Variants in BSN observed in about 807,000 individuals in gnomAD.
The protein encoded by BSN is bassoon presynaptic cytomatrix protein.
In BSN, 57 loss-of-function variants were observed where a neutral mutation model predicts 264.8. The ratio of observed to expected loss-of-function variants is 0.22; its 90% confidence interval spans 0.17 to 0.27. BSN has a LOEUF of 0.27. Ranked by LOEUF, BSN falls within the 10% of genes least tolerant of loss-of-function variation. The pLI is 1.00. For missense variants in BSN, 4,615 were observed against 5,232.5 expected (o/e 0.88, Z 3.64); for synonymous variants, 2,059 against 2,137.3 (o/e 0.96, Z 1.01).
intron 1 of BSN, among the ~76,000 whole-genome samples, chr3:49,593,682 T>A (rs2051997322): frequency 6.6e-6 from 1 of 152,144 alleles, no homozygotes; most frequent in Non-Finnish European, 1.5e-5. Context: ...GCCATGTGTG[T>A]ATCCTCTTCA....
intron 3 of BSN, among the ~76,000 whole-genome samples, chr3:49,643,368 G>T (rs1168923288): frequency 6.6e-6 from 1 of 152,202 alleles, no homozygotes; most frequent in Non-Finnish European, 1.5e-5. Flanking sequence ...TGGGGGTAAT[G>T]GTGCCTACTG....
rs139087694 is a variant in BSN at position 49,579,559 on chromosome 3, C to T, written c.224+24733C>T. ...CTAAGATTACAGGCGCCCGTCACCA[C>T]GCCCAGCTGATTTTTTCTTTCTTTC... On this transcript the variant is annotated intron_variant, in intron 1 of 11. Coordinates refer to ENST00000296452, the MANE Select transcript of BSN (RefSeq NM_003458.4). Among the ~76,000 whole-genome samples, 199 of 151,796 alleles carry T rather than the reference C, an allele frequency of 1.3e-3. 6 individuals are homozygous for T. In the East Asian group the frequency reaches 0.036, roughly 28 times the overall value.
chr3:49,631,482 T>G (rs1248322465), intron 2 of BSN, among the ~76,000 whole-genome samples: 1 of 148,022 alleles, frequency 6.8e-6, no homozygotes, highest in Non-Finnish European at 1.5e-5. Flanking sequence ...CACTTGAGCC[T>G]GGGAAAATCT....
chr3:49,648,003 G>A (rs1283679418), intron 3 of BSN, among the ~76,000 whole-genome samples: 1 of 152,250 alleles, frequency 6.6e-6, no homozygotes, highest in Admixed American at 6.5e-5. Flanking sequence ...GAGCAAGAGG[G>A]CCTGCCAGGC....
At chr3:49,631,162 A>T (rs1417524300) in intron 2 of BSN, among the ~76,000 whole-genome samples, 2 of 152,102 alleles carry the variant, frequency 1.3e-5, no homozygotes, top group Non-Finnish European at 2.9e-5. Context: ...TGCAGGAGGC[A>T]CCACTGCCAC....
rs1214991033 is a variant in BSN, at chr3:49,585,578, AGT to A, written c.224+30753_224+30754del. Among the ~76,000 whole-genome samples, 2 of 152,226 alleles carry A rather than the reference AGT, an allele frequency of 1.3e-5. No individual in the cohort carries two copies. ...CCGGTCCGCCGCCGGTTTCCTTGGA[AGT>A]TAAATCTTGGAGGATTTGTCCACAC... On this transcript the variant is annotated intron_variant, in intron 1 of 11. Coordinates refer to ENST00000296452, the MANE Select transcript of BSN (RefSeq NM_003458.4). The surrounding 1 kb of genome is among the most constrained non-coding windows in gnomAD (Gnocchi z 4.7).
intron 1 of BSN, among the ~76,000 whole-genome samples, chr3:49,624,380 C>G (rs1443383003): frequency 6.8e-6 from 1 of 146,006 alleles, no homozygotes; most frequent in Non-Finnish European, 1.5e-5. Context: ...CTCACTGCAA[C>G]CTCTGCCTCC....
chr3:49,641,360 A>G (rs1187253838), intron 2 of BSN, among the ~76,000 whole-genome samples: 1 of 152,200 alleles, frequency 6.6e-6, no homozygotes, highest in Non-Finnish European at 1.5e-5. Context: ...TAGTAATCCA[A>G]AGGAAAACGA....
intron 1 of BSN, 121 bp from the exon 2 acceptor site, chr3:49,624,854 C>T: frequency 1.1e-6 from 1 of 931,238 alleles, no homozygotes. Context: ...CATGATGATT[C>T]TTCTGGGCAG....
In BSN at chr3:49,656,787, C is replaced by T; in HGVS notation, c.7231C>T (p.Leu2411=). The part of the protein sequence containing the change: ...LQRHREEEQL[L]VQRELQELQT... ...GAGGCACCGTGAGGAGGAGCAGCTG[C>T]TGGTGCAGCGGGAGTTGCAGGAGCT... The change falls in exon 5 of 12, where the codon CTG becomes TTG. Residue 2411 remains leucine, a synonymous_variant. Coordinates refer to ENST00000296452, the MANE Select transcript of BSN (RefSeq NM_003458.4). 1 of 1,587,960 alleles carries T rather than the reference C, an allele frequency of 6.3e-7. No homozygotes were observed.
chr3:49,576,945 G>C lies in BSN; in HGVS notation c.224+22119G>C, dbSNP rs148238209. ...CAGAGACTCAACCCCAATCCGGAAG[G>C]AGGGTGGTTCCCATCTCTCTGGAAC... On this transcript the variant is annotated intron_variant, in intron 1 of 11. Coordinates refer to ENST00000296452, the MANE Select transcript of BSN (RefSeq NM_003458.4). Among the ~76,000 whole-genome samples the C allele has an allele frequency of 5.2e-4, 79 of 152,326 alleles. 1 individual carries two copies. The East Asian group carries it at 0.014, about 27-fold the overall frequency.
rs1341388270 is a variant in BSN at position 49,662,951 on chromosome 3, A to G, written c.10793A>G (p.His3598Arg). Residue 3598 changes from histidine to arginine, a missense_variant, in exon 7 of 12, where the codon CAC (histidine) becomes CGC (arginine). Physicochemically the swap from His to Arg is conservative, Grantham distance 29. Around this residue, in one of 3 missense-constraint regions of BSN, gnomAD observed 3,415 missense variants for 3,866.4 expected, o/e 0.88. Transcript: ENST00000296452. ...GCCCGCTCTGACCGGTTCAGGCACC[A>G]CGGGGGCCATGCAGTTTCCTCCTCC... ...RDARSDRFRH[H>R]GGHAVSSSSQ... The G allele has an allele frequency of 3.7e-6, 6 of 1,613,972 alleles. No individual in the cohort carries two copies. The highest frequency in any genetic ancestry group is 1.1e-5 in the South Asian group (1 of 91,064).
chr3:49,623,727 T>TCTAC (rs1159868183), intron 1 of BSN, among the ~76,000 whole-genome samples: 13 of 152,220 alleles, frequency 8.5e-5, no homozygotes, highest in Admixed American at 3.9e-4. Flanking sequence ...GGCTCCTTTG[T>TCTAC]GTAGAGGCAG....
intron 1 of BSN, among the ~76,000 whole-genome samples, chr3:49,604,913 T>G (rs545796809): frequency 6.6e-6 from 1 of 152,022 alleles, no homozygotes; most frequent in South Asian, 2.1e-4. Context: ...ACCCTGTCAT[T>G]TCTTCCTCTG....
At chr3:49,604,049 T>C (rs2052092489) in intron 1 of BSN, among the ~76,000 whole-genome samples, 1 of 152,208 alleles carries the variant, frequency 6.6e-6, no homozygotes, top group Non-Finnish European at 1.5e-5. Flanking sequence ...CTTGTTTTGT[T>C]TTATTTATTG....
rs2052752367 is a variant in BSN, at chr3:49,671,142, G to A, written c.*3657G>A. The A allele has an allele frequency of 6.9e-6, 1 of 144,698 alleles. No homozygotes were observed. The highest frequency in any genetic ancestry group is 2.5e-5 in the African/African-American group (1 of 40,224). 9.0% of individuals were successfully genotyped at this position (144,698 alleles called of 1,614,324 possible). A position where few individuals can be genotyped will look rare whatever the true frequency, so the allele number is the denominator to read the frequency against. On this transcript the variant is annotated 3_prime_UTR_variant, in exon 12 of 12. Coordinates refer to ENST00000296452, the MANE Select transcript of BSN (RefSeq NM_003458.4). This position sits in a 1 kb window ranked among gnomAD's most constrained non-coding sequence, Gnocchi z 4.1. ...TGTATGCACATGATCATGTGTGTAT[G>A]TGCGTGCGTGCGTGCGTGTGTGTGT...
Position 49,642,207 on chromosome 3 carries a change from C to T in BSN, c.634-61C>T. 4 of 1,374,692 alleles carry T rather than the reference C, an allele frequency of 2.9e-6. No homozygotes were observed. Among genetic ancestry groups the T allele is most frequent in the South Asian group, 1.5e-5 (1 of 65,858 alleles). The allele number at this position is 1,374,692 out of a possible 1,614,324, so 85.2% of individuals were successfully genotyped here. A position where few individuals can be genotyped will look rare whatever the true frequency, so the allele number is the denominator to read the frequency against. On this transcript the variant is annotated intron_variant, in intron 2 of 11. Coordinates refer to ENST00000296452, the MANE Select transcript of BSN (RefSeq NM_003458.4). This position sits in a 1 kb window ranked among gnomAD's most constrained non-coding sequence, Gnocchi z 7.0. ...TTGGCTGCTGTGGGGCCTGCACTGACCTGGGCCATGAGTACTGCCAATCCT... is the reference window on the plus strand; with the variant it reads ...TTGGCTGCTGTGGGGCCTGCACTGATCTGGGCCATGAGTACTGCCAATCCT...
rs2051763308 is a variant in BSN at position 49,567,713 on chromosome 3, A to C, written c.224+12887A>C. 3.3e-5 allele frequency among the ~76,000 whole-genome samples: 5 copies of C among 152,238 alleles called. No individual in the cohort carries two copies. In the South Asian group the frequency reaches 1.0e-3, roughly 32 times the overall value. On this transcript the variant is annotated intron_variant, in intron 1 of 11. Transcript: ENST00000296452. ...ATTGCAGTTACTATGGCTGTGTAAC[A>C]TGTTAACCCAAAACTTAGTAGTGGA...
At position 49,654,146 on chromosome 3, in the gene BSN, AGC is replaced by A; in HGVS notation, c.4591_4592del (p.Ala1531ProfsTer33). 6.2e-7 allele frequency: 1 copy of A among 1,614,044 alleles called. No homozygotes were observed. The highest frequency in any genetic ancestry group is 8.5e-7 in the Non-Finnish European group (1 of 1,180,016). On this transcript the variant is annotated frameshift_variant, in exon 5 of 12. Coordinates refer to ENST00000296452, the MANE Select transcript of BSN (RefSeq NM_003458.4). LOFTEE classifies it high-confidence loss of function. The surrounding 1 kb of genome is among the most constrained non-coding windows in gnomAD (Gnocchi z 4.1). ...PGAPTPSPMVAQGTQTPHRPS... is the reference protein window; with the variant it reads ...PGAPTPSPMVXQGTQTPHRPS... ...GTGCCCCCACTCCATCACCTATGGT[AGC>A]CCAGGGTACACAAACACCACATCGA...
Sources: gnomAD v4.1 joint callset for allele counts (sites outside exome capture counted in the v4.1 genomes callset) on GRCh38, gnomAD v4.1.1 for gene constraint, gnomAD v4.1.1 regional missense constraint, Gnocchi (gnomAD v3.1) non-coding constraint, MANE v1.5 for transcripts, NCBI Gene and HGNC (gene_info 2026-07-23, HGNC 2026-07-21) for gene names.